NBEA: variants seen among roughly 807,000 people sequenced by gnomAD.
The protein encoded by NBEA is neurobeachin, also known as lysosomal-trafficking regulator 2.
Under a neutral mutation model 343.4 loss-of-function variants are expected in NBEA, and 44 were observed. The observed-to-expected ratio is 0.13, with a 90% CI of 0.10 to 0.16. The LOEUF is 0.16. NBEA is among the 10% of genes least tolerant of loss of function. The pLI is 1.00. For synonymous variants in NBEA, 1,175 were observed against 1,238.7 expected, an observed-to-expected ratio of 0.95 and a Z score of 1.08; for missense variants, 2,555 against 3,631.3, an observed-to-expected ratio of 0.70 and a Z score of 7.62.
At chr13:35,078,698 A>G (rs2064230643) in intron 10 of NBEA, among the ~76,000 whole-genome samples, 1 of 152,182 alleles carries the variant, frequency 6.6e-6, no homozygotes, top group Non-Finnish European at 1.5e-5. Flanking sequence ...GCAATCTCCC[A>G]TGGGACTTAT....
chr13:35,020,910 A>C (rs1677361332), intron 1 of NBEA, among the ~76,000 whole-genome samples: 1 of 152,088 alleles, frequency 6.6e-6, no homozygotes, highest in Non-Finnish European at 1.5e-5. Context: ...TTTCAACAAA[A>C]ATTGTAGATT....
At chr13:35,153,144 T>C (rs2068908673) in intron 18 of NBEA, among the ~76,000 whole-genome samples, 1 of 150,484 alleles carries the variant, frequency 6.6e-6, no homozygotes. Flanking sequence ...GCCATTCTCC[T>C]GCCTCAGCCT....
At chr13:35,297,605 C>T (rs764540884) in intron 35 of NBEA, among the ~76,000 whole-genome samples, 2 of 151,926 alleles carry the variant, frequency 1.3e-5, no homozygotes, top group African/African-American at 4.8e-5. Context: ...TTTGCAGTTT[C>T]GTGAAGTCAC....
chr13:35,625,821 A>G (rs1168995779), intron 48 of NBEA, among the ~76,000 whole-genome samples: 2 of 152,180 alleles, frequency 1.3e-5, no homozygotes, highest in Non-Finnish European at 2.9e-5. Flanking sequence ...ATTATTTTGT[A>G]TCTCTTATAC....
At chr13:35,491,343 A>T (rs551618642) in intron 41 of NBEA, among the ~76,000 whole-genome samples, 1 of 151,970 alleles carries the variant, frequency 6.6e-6, no homozygotes, top group South Asian at 2.1e-4. Context: ...TCTTAAATTT[A>T]TATCTCTAGC....
intron 36 of NBEA, among the ~76,000 whole-genome samples, chr13:35,312,853 G>A (rs1285833122): frequency 6.6e-6 from 1 of 152,166 alleles, no homozygotes; most frequent in African/African-American, 2.4e-5. Context: ...TACAGAAAGC[G>A]AGGTTTGAGT....
At chr13:35,528,067 A>G (rs187246479) in intron 41 of NBEA, among the ~76,000 whole-genome samples, 69 of 152,328 alleles carry the variant, frequency 4.5e-4, no homozygotes, top group African/African-American at 1.6e-3. Flanking sequence ...TAGAAACTCC[A>G]CATTATTATA....
intron 34 of NBEA, among the ~76,000 whole-genome samples, chr13:35,285,842 C>T (rs2035388103): frequency 6.6e-6 from 1 of 152,178 alleles, no homozygotes. Flanking sequence ...ATGTATGGCT[C>T]TGCTTCCTGC....
At position 35,628,195 on chromosome 13, in the gene NBEA, A is replaced by C; in HGVS notation, c.7564A>C (p.Thr2522Pro). ...VRALNVFHYL[T>P]YEGSVNLDSI... is the part of the protein sequence containing the mutation. ...TGCTCTGAATGTTTTTCACTACTTG[A>C]CTTATGAAGGCTCTGTGAACCTGGA... Residue 2522 changes from threonine to proline, a missense_variant, in exon 49 of 59, where the codon ACT (threonine) becomes CCT (proline). Transcript: ENST00000379939. 6.2e-7 allele frequency: 1 copy of C among 1,613,166 alleles called. No individual in the cohort carries two copies. The highest frequency in any genetic ancestry group is 2.2e-5 in the East Asian group (1 of 44,786).
chr13:34,958,588 T>C (rs918241878), intron 1 of NBEA, among the ~76,000 whole-genome samples: 2 of 151,714 alleles, frequency 1.3e-5, no homozygotes, highest in Non-Finnish European at 3.0e-5. Context: ...ATAGTTTAAA[T>C]GCATAGGTGT....
intron 49 of NBEA, among the ~76,000 whole-genome samples, chr13:35,631,916 T>G (rs2083471630): frequency 6.6e-6 from 1 of 152,202 alleles, no homozygotes; most frequent in Non-Finnish European, 1.5e-5. Flanking sequence ...CTTAACTTAT[T>G]TTATACTTGT....
At chr13:35,097,224 A>T (rs1198811140) in intron 10 of NBEA, among the ~76,000 whole-genome samples, 1 of 151,860 alleles carries the variant, frequency 6.6e-6, no homozygotes, top group Non-Finnish European at 1.5e-5. Flanking sequence ...TAATTCAAAA[A>T]TTAGAATAAC....
At chr13:35,194,861 T>C (rs17051919) in intron 30 of NBEA, among the ~76,000 whole-genome samples, 6,741 of 152,190 alleles carry the variant, frequency 0.044, 174 homozygotes, top group South Asian at 0.079. Flanking sequence ...TCATTATCTG[T>C]GTAGTTATAT....
intron 44 of NBEA, 23 bp downstream of exon 44, chr13:35,555,125 C>A: frequency 1.6e-6 from 2 of 1,282,998 alleles, no homozygotes; most frequent in East Asian, 2.4e-5. Flanking sequence ...ATTCTTTAAT[C>A]TAATAATATG....
chr13:35,147,509 G>T (rs1054090834), intron 18 of NBEA, among the ~76,000 whole-genome samples: 2 of 152,140 alleles, frequency 1.3e-5, no homozygotes, highest in Non-Finnish European at 2.9e-5. Context: ...GCAGGGCTCA[G>T]TTCCCTTGGT....
chr13:35,583,303 G>A (rs995599341), intron 45 of NBEA, among the ~76,000 whole-genome samples: 8 of 152,194 alleles, frequency 5.3e-5, no homozygotes, highest in African/African-American at 1.7e-4. Context: ...AGTGGCCTCA[G>A]CAAAATGCTT....
At chr13:35,209,503 C>CT (rs201194360) in intron 32 of NBEA, among the ~76,000 whole-genome samples, 160 of 147,572 alleles carry the variant, frequency 1.1e-3, no homozygotes, top group Admixed American at 4.1e-3. Context: ...CTAAAATAAC[C>CT]TTTTTTTTTT....
chr13:35,452,154 A>C lies in NBEA; in HGVS notation c.6367A>C (p.Asn2123His), dbSNP rs2152945834. The C allele has an allele frequency of 6.2e-7, 1 of 1,611,426 alleles. No homozygotes were observed. The highest frequency in any genetic ancestry group is 1.1e-5 in the South Asian group (1 of 90,504). ...TFRSQAIVNQ[N>H]AETELMLEGD... The stretch of plus-strand genomic sequence containing the variant: ...CAGAAGTCAAGCAATAGTGAACCAA[A>C]ATGCAGAGACAGAACTTATGCTGGA... The change falls in exon 40 of 59, where the codon AAT (asparagine) becomes CAT (histidine). Residue 2123 changes from asparagine (N) to histidine (H), a missense_variant. Around this residue, in one of 21 missense-constraint regions of NBEA, gnomAD observed 246 missense variants for 313.7 expected, o/e 0.78. Transcript: ENST00000379939.
intron 48 of NBEA, among the ~76,000 whole-genome samples, chr13:35,611,980 C>A (rs2082540623): frequency 2.0e-5 from 3 of 152,034 alleles, no homozygotes; most frequent in Admixed American, 2.0e-4. Flanking sequence ...TCTTAAGAAA[C>A]TGCCCAGCTG....
Sources: gnomAD v4.1 joint callset for allele counts (sites outside exome capture counted in the v4.1 genomes callset) on GRCh38, gnomAD v4.1.1 for gene constraint, gnomAD v4.1.1 regional missense constraint, MANE v1.5 for transcripts, NCBI Gene and HGNC (gene_info 2026-07-23, HGNC 2026-07-21) for gene names.